ZBTB5: variants seen among roughly 807,000 people sequenced by gnomAD.
ZBTB5 encodes the protein zinc finger and BTB domain containing 5, also known as zinc finger and BTB domain-containing protein 5.
In ZBTB5, 15 loss-of-function variants were observed where a neutral mutation model predicts 37.9. The observed-to-expected ratio is 0.40, with a 90% confidence interval of 0.26 to 0.61. The LOEUF (loss-of-function observed/expected upper bound fraction) is 0.61. ZBTB5 is among the 20% of genes least tolerant of loss of function. The pLI is 0.47. For synonymous variants in ZBTB5, 315 were observed against 312.4 expected (o/e 1.01, Z -0.09); for missense variants, 708 against 856.8 (o/e 0.83, Z 2.17).
intron 1 of ZBTB5, among the ~76,000 whole-genome samples, chr9:37,457,580 A>G (rs1454748755): frequency 6.6e-6 from 1 of 152,256 alleles, no homozygotes; most frequent in African/African-American, 2.4e-5. Context: ...GCTGTGGAGC[A>G]TAGATTTGTA....
intron 1 of ZBTB5, among the ~76,000 whole-genome samples, chr9:37,455,861 G>A (rs1233492609): frequency 1.3e-5 from 2 of 151,906 alleles, no homozygotes; most frequent in Admixed American, 6.6e-5. Flanking sequence ...TTAAATACAG[G>A]TGGGGTCTCA....
rs187897598 is a variant in ZBTB5 at position 37,440,388 on chromosome 9, G to A, written c.*130C>T. On this transcript the variant is annotated 3_prime_UTR_variant, in exon 2 of 2. Coordinates refer to ENST00000307750, the MANE Select transcript of ZBTB5 (RefSeq NM_014872.3). ...CACAAATACTACATGTTAGTTCTCC[G>A]GTTATTAGTTGCTAAACTGTTTAAG... 1,087 of 693,566 alleles carry A rather than the reference G, an allele frequency of 1.6e-3. 3 individuals carry two copies. Among genetic ancestry groups the A allele is most frequent in the Non-Finnish European group, 2.0e-3 (840 of 419,372 alleles). The allele number at this position is 693,566 out of a possible 1,614,324, so 43.0% of individuals were successfully genotyped here.
In ZBTB5 at chr9:37,441,760, A is replaced by G; in HGVS notation, c.792T>C (p.Phe264=). ...EDSAIMFDQS[F]GTQEDAQVPS... ...GCACCTGGGCATCTTCTTGAGTGCC[A>G]AAAGACTGATCAAACATGATCGCAC... The change falls in exon 2 of 2, where the codon TTT becomes TTC. Residue 264 remains phenylalanine, a synonymous_variant. Coordinates refer to ENST00000307750, the MANE Select transcript of ZBTB5 (RefSeq NM_014872.3). The G allele has an allele frequency of 1.2e-6, 2 of 1,614,112 alleles. No individual in the cohort carries two copies. The highest frequency in any genetic ancestry group is 1.7e-6 in the Non-Finnish European group (2 of 1,180,008).
rs757693509 is a variant in ZBTB5 at position 37,441,160 on chromosome 9, G to T, written c.1392C>A (p.Ser464=). ...GTTCACTAAATGGGTTCTCTACATG[G>T]GAGCCAGGGGCAGAGGAGGGCCCAC... is the stretch of plus-strand genomic sequence containing the variant. ...PAGGPSSAPG[S]HVENPFSEPA... The change falls in exon 2 of 2, where the codon TCC becomes TCA. Residue 464 remains serine (S), a synonymous_variant. Transcript: ENST00000307750. The T allele has an allele frequency of 2.5e-6, 4 of 1,613,844 alleles. No homozygotes were observed. The African/African-American group carries it at 5.3e-5, about 22-fold the overall frequency.
intron 1 of ZBTB5, among the ~76,000 whole-genome samples, chr9:37,444,052 C>A (rs1401331043): frequency 1.3e-5 from 2 of 152,100 alleles, no homozygotes; most frequent in East Asian, 3.8e-4. Context: ...CACTGCACTC[C>A]AGCCTAAGCA....
chr9:37,465,238 C>T lies in ZBTB5; in HGVS notation c.-28G>A, dbSNP rs1234811092. ...ACCTGAGTCGGGCTCCGCCCCCCTC[C>T]TCCTCGCTGAAGGAGGCGGTGACCC... On this transcript the variant is annotated 5_prime_UTR_variant, in exon 1 of 2. Coordinates refer to ENST00000307750, the MANE Select transcript of ZBTB5 (RefSeq NM_014872.3). 1 of 152,260 alleles carries T rather than the reference C, an allele frequency of 6.6e-6. No individual in the cohort carries two copies. The highest frequency in any genetic ancestry group is 6.5e-5 in the Admixed American group (1 of 15,284). The allele number at this position is 152,260 out of a possible 1,614,324, so 9.4% of individuals were successfully genotyped here. A position where few individuals can be genotyped will look rare whatever the true frequency, so the allele number is the denominator to read the frequency against.
At chr9:37,463,208 A>G (rs1824325262) in intron 1 of ZBTB5, among the ~76,000 whole-genome samples, 1 of 152,240 alleles carries the variant, frequency 6.6e-6, no homozygotes, top group African/African-American at 2.4e-5. Context: ...TAGTTCACTC[A>G]GAAACAGCTG....
chr9:37,440,594 G>C lies in ZBTB5; in HGVS notation c.1958C>G (p.Ser653Cys). 1 of 1,614,224 alleles carries C rather than the reference G, an allele frequency of 6.2e-7. No individual in the cohort carries two copies. Among genetic ancestry groups the C allele is most frequent in the Non-Finnish European group, 8.5e-7 (1 of 1,180,038 alleles). The change falls in exon 2 of 2, where the codon TCC becomes TGC. Residue 653 changes from serine to cysteine, a missense_variant. Ser to Cys is a moderately radical substitution (Grantham distance 112). This residue lies in a region of ZBTB5 where 42 missense variants were observed against 107.9 expected (regional missense o/e 0.39). Coordinates refer to ENST00000307750, the MANE Select transcript of ZBTB5 (RefSeq NM_014872.3). ...CLKCGKRFSQ[S>C]SHLYKHSKTT... The stretch of plus-strand genomic sequence containing the variant: ...CTTTGAGTGCTTATACAGGTGGCTG[G>C]ACTGACTAAACCTCTTGCCACACTT...
At chr9:37,451,076 AG>A (rs1487422774) in intron 1 of ZBTB5, among the ~76,000 whole-genome samples, 1 of 151,948 alleles carries the variant, frequency 6.6e-6, no homozygotes, top group Non-Finnish European at 1.5e-5. Flanking sequence ...GCTACTCAAG[AG>A]ACTGAGGTGG....
rs899314220 is a variant in ZBTB5 at position 37,459,946 on chromosome 9, A to G, written c.-5+5269T>C. ...AGGATGGTCTCGATCTCCTGACCTCATGATCTGTCCGTCTCGGCCTCCCAA... is the reference window on the plus strand; with the variant it reads ...AGGATGGTCTCGATCTCCTGACCTCGTGATCTGTCCGTCTCGGCCTCCCAA... On this transcript the variant is annotated intron_variant, in intron 1 of 1. Transcript: ENST00000307750. Among the ~76,000 whole-genome samples, 296 of 149,826 alleles carry G rather than the reference A, an allele frequency of 2.0e-3. 2 individuals carry two copies. The highest frequency in any genetic ancestry group is 6.9e-3 in the African/African-American group (282 of 40,692).
At chr9:37,445,108 G>A (rs1009355545) in intron 1 of ZBTB5, among the ~76,000 whole-genome samples, 16 of 148,174 alleles carry the variant, frequency 1.1e-4, no homozygotes, top group African/African-American at 4.0e-4. Flanking sequence ...AAAAAAAAAA[G>A]GTTGTTTACT....
chr9:37,455,858 C>T (rs1305111521), intron 1 of ZBTB5, among the ~76,000 whole-genome samples: 1 of 151,562 alleles, frequency 6.6e-6, no homozygotes, highest in Non-Finnish European at 1.5e-5. Context: ...TTTTTAAATA[C>T]AGGTGGGGTC....
chr9:37,460,056 G>A (rs1824262359), intron 1 of ZBTB5, among the ~76,000 whole-genome samples: 1 of 150,372 alleles, frequency 6.7e-6, no homozygotes, highest in South Asian at 2.1e-4. Flanking sequence ...ATATTAGCCA[G>A]GCTAGTCTCA....
intron 1 of ZBTB5, among the ~76,000 whole-genome samples, chr9:37,447,728 A>G (rs1824014727): frequency 6.6e-6 from 1 of 152,226 alleles, no homozygotes; most frequent in Admixed American, 6.5e-5. Flanking sequence ...GGGGGCCATA[A>G]AAGACTGACT....
chr9:37,443,657 G>A (rs906332359), intron 1 of ZBTB5, among the ~76,000 whole-genome samples: 15 of 152,240 alleles, frequency 9.9e-5, no homozygotes, highest in Admixed American at 5.2e-4. Context: ...ACCAGGATGT[G>A]GTGGCGCATG....
chr9:37,463,227 G>C (rs1824325791), intron 1 of ZBTB5, among the ~76,000 whole-genome samples: 2 of 152,164 alleles, frequency 1.3e-5, no homozygotes, highest in Non-Finnish European at 2.9e-5. Flanking sequence ...TGGTCTTTTA[G>C]GAGATGAGAA....
intron 1 of ZBTB5, among the ~76,000 whole-genome samples, chr9:37,460,412 C>G (rs1180289024): frequency 6.6e-6 from 1 of 151,952 alleles, no homozygotes; most frequent in Non-Finnish European, 1.5e-5. Flanking sequence ...CTGGATCCAG[C>G]CTGGGCAATA....
chr9:37,444,946 T>A (rs1171175195), intron 1 of ZBTB5, among the ~76,000 whole-genome samples: 2 of 149,892 alleles, frequency 1.3e-5, no homozygotes, highest in Non-Finnish European at 3.0e-5. Context: ...CTCCAAGGAG[T>A]GGGTCTCCAA....
In ZBTB5 at chr9:37,440,244, C is replaced by T; in HGVS notation, c.*274G>A. 2.6e-6 allele frequency: 1 copy of T among 391,130 alleles called. No homozygotes were observed. Among genetic ancestry groups the T allele is most frequent in the Non-Finnish European group, 4.6e-6 (1 of 218,722 alleles). The allele number at this position is 391,130 out of a possible 1,614,324, so 24.2% of individuals were successfully genotyped here. A position where few individuals can be genotyped will look rare whatever the true frequency, so the allele number is the denominator to read the frequency against. On this transcript the variant is annotated 3_prime_UTR_variant, in exon 2 of 2. Transcript: ENST00000307750. The stretch of plus-strand genomic sequence containing the variant: ...TCAATTTTTAAATTTTTAAATGTGC[C>T]ACTTTTAATATCAATTACAAACTAC...
Sources: gnomAD v4.1 joint callset for allele counts (sites outside exome capture counted in the v4.1 genomes callset) on GRCh38, gnomAD v4.1.1 for gene constraint, gnomAD v4.1.1 regional missense constraint, MANE v1.5 for transcripts, NCBI Gene and HGNC (gene_info 2026-07-23, HGNC 2026-07-21) for gene names.